The following HSFX3 variants were observed in gnomAD, a reference collection of about 807,000 sequenced individuals.
The protein encoded by HSFX3 is heat shock transcription factor, X-linked member 3.
For synonymous variants in HSFX3, 24 were observed against 67.8 expected (o/e 0.35, Z 3.17); for missense variants, 51 against 175.4 (o/e 0.29, Z 4.01).
rs1294242360 is a variant in HSFX3, at chrX:149,548,311, C to T, written c.*81G>A. 2.2e-5 allele frequency: 20 copies of T among 920,979 alleles called. No homozygotes were observed. Among genetic ancestry groups the T allele is most frequent in the Non-Finnish European group, 2.7e-5 (20 of 742,450 alleles). 75.9% of individuals were successfully genotyped at this position (920,979 alleles called of 1,213,427 possible). A position where few individuals can be genotyped will look rare whatever the true frequency, so the allele number is the denominator to read the frequency against. ...TTAAAAAATGGCAACTTTTATGGGC[C>T]ATTAGTGGCCTGTGACTTCACGAAT... On this transcript the variant is annotated 3_prime_UTR_variant, in exon 2 of 2. Coordinates refer to ENST00000431993, the MANE Select transcript of HSFX3 (RefSeq NM_001323079.3).
rs1453462460 is a variant in HSFX3, at chrX:149,548,444, G to A, written c.950C>T (p.Ala317Val). ...ATTTGGAGACATGACTGAGAGGGAG[G>A]CCAACAGAGCATAGTAACAGATATT... ...LYNICYYALL[A>V]SLSVMSPNEP... Residue 317 changes from alanine to valine, a missense_variant, in exon 2 of 2, where the codon GCC becomes GTC. By Grantham distance (64) the Ala-to-Val change is moderately conservative. Coordinates refer to ENST00000431993, the MANE Select transcript of HSFX3 (RefSeq NM_001323079.3). 5 of 931,716 alleles carry A rather than the reference G, an allele frequency of 5.4e-6. No homozygotes were observed. Among genetic ancestry groups the A allele is most frequent in the East Asian group, 8.3e-5 (2 of 23,953 alleles). The allele number at this position is 931,716 out of a possible 1,213,427, so 76.8% of individuals were successfully genotyped here.
Position 149,549,342 on chromosome X carries a change from G to A in HSFX3, c.483+28C>T. On this transcript the variant is annotated intron_variant, in intron 1 of 1. Transcript: ENST00000431993. ...AGATATGTTTGAGAAAGAGAGAAAA[G>A]GGATTACAGAAATGCTTTCTACTTT... 2.6e-6 allele frequency: 3 copies of A among 1,143,063 alleles called. No individual in the cohort carries two copies. In the East Asian group the frequency reaches 9.9e-5, roughly 38 times the overall value. The allele number at this position is 1,143,063 out of a possible 1,213,427, so 94.2% of individuals were successfully genotyped here.
At position 149,548,660 on chromosome X, in the gene HSFX3, C is replaced by G. The variant is rs2089890299; in HGVS notation, c.734G>C (p.Gly245Ala). 1.3e-6 allele frequency: 1 copy of G among 771,357 alleles called. No individual in the cohort carries two copies. Among genetic ancestry groups the G allele is most frequent in the East Asian group, 4.4e-5 (1 of 22,845 alleles). The allele number at this position is 771,357 out of a possible 1,213,427, so 63.6% of individuals were successfully genotyped here. Reference protein sequence around the residue: ...PSGTQSFRRSGMWSKKSATRH... With the variant: ...PSGTQSFRRSAMWSKKSATRH... ...AGTGGCACTCTTCTTGGACCACATG[C>G]CAGAGCGCCTGAAGGACTGGGTGCC... Residue 245 changes from glycine (G) to alanine (A), a missense_variant, in exon 2 of 2, where the codon GGC becomes GCC. Transcript: ENST00000431993.
rs1476403778 is a variant in HSFX3 at position 149,549,489 on chromosome X, G to A, written c.364C>T (p.Arg122Trp). ...KDLFQREVLQ[R>W]KGAERIFKTD... The stretch of plus-strand genomic sequence containing the variant: ...TTGAAGATCCTCTCTGCACCTTTCC[G>A]TTGAAGAACCTCCCTCTGGAAGAGA... The change falls in exon 1 of 2, where the codon CGG becomes TGG. Residue 122 changes from arginine (R) to tryptophan (W), a missense_variant. Physicochemically the swap from Arg to Trp is moderately radical, Grantham distance 101 (BLOSUM62 -3). Coordinates refer to ENST00000431993, the MANE Select transcript of HSFX3 (RefSeq NM_001323079.3). The A allele has an allele frequency of 1.3e-4, 153 of 1,147,957 alleles. 2 individuals carry two copies. Among genetic ancestry groups the A allele is most frequent in the Middle Eastern group, 2.4e-4 (1 of 4,250 alleles). 94.6% of individuals were successfully genotyped at this position (1,147,957 alleles called of 1,213,427 possible).
rs1236713092 is a variant in HSFX3 at position 149,548,395 on chromosome X, C to T, written c.999G>A (p.Glu333=). ...ACTTGTAATCTGAGGAGCCTTCCTACTCCTCCTCATCGTCAGAGGGCTCAT... is the reference window on the plus strand; with the variant it reads ...ACTTGTAATCTGAGGAGCCTTCCTATTCCTCCTCATCGTCAGAGGGCTCAT... ...SPNEPSDDEE[E] Residue 333 remains glutamate, a synonymous_variant, in exon 2 of 2, where the codon GAG becomes GAA. Transcript: ENST00000431993. 1 of 932,196 alleles carries T rather than the reference C, an allele frequency of 1.1e-6. No homozygotes were observed. Among genetic ancestry groups the T allele is most frequent in the Non-Finnish European group, 1.3e-6 (1 of 752,167 alleles). 76.8% of individuals were successfully genotyped at this position (932,196 alleles called of 1,213,427 possible).
chrX:149,548,403 C>T lies in HSFX3; in HGVS notation c.991G>A (p.Glu331Lys). 1 of 933,945 alleles carries T rather than the reference C, an allele frequency of 1.1e-6. No individual in the cohort carries two copies. The allele number at this position is 933,945 out of a possible 1,213,427, so 77.0% of individuals were successfully genotyped here. The change falls in exon 2 of 2, where the codon GAG (glutamate) becomes AAG (lysine). Residue 331 changes from glutamate (E) to lysine (K), a missense_variant. Coordinates refer to ENST00000431993, the MANE Select transcript of HSFX3 (RefSeq NM_001323079.3). ...TCTGAGGAGCCTTCCTACTCCTCCT[C>T]ATCGTCAGAGGGCTCATTTGGAGAC... The part of the protein sequence containing the change: ...VMSPNEPSDD[E>K]EE
rs782581477 is a variant in HSFX3 at position 149,549,447 on chromosome X, T to C, written c.406A>G (p.Ser136Gly). ...ERIFKTDSLT[S>G]FIRQLNLYGF... ...TAGAGGTTCAGCTGGCGAATGAAACTCGTCAAGCTGTCTGTTTTGAAGATC... is the reference window on the plus strand; with the variant it reads ...TAGAGGTTCAGCTGGCGAATGAAACCCGTCAAGCTGTCTGTTTTGAAGATC... Residue 136 changes from serine to glycine, a missense_variant, in exon 1 of 2, where the codon AGT (serine) becomes GGT (glycine). Transcript: ENST00000431993. The C allele has an allele frequency of 5.0e-5, 58 of 1,162,874 alleles. No individual in the cohort carries two copies. The highest frequency in any genetic ancestry group is 6.4e-5 in the Non-Finnish European group (56 of 871,836).
chrX:149,549,443 A>G lies in HSFX3; in HGVS notation c.410T>C (p.Phe137Ser), dbSNP rs1361171925. 113 of 1,162,752 alleles carry G rather than the reference A, an allele frequency of 9.7e-5. No homozygotes were observed. The highest frequency in any genetic ancestry group is 1.2e-4 in the Non-Finnish European group (104 of 871,794). ...TCCATAGAGGTTCAGCTGGCGAATG[A>G]AACTCGTCAAGCTGTCTGTTTTGAA... is the stretch of plus-strand genomic sequence containing the variant. ...RIFKTDSLTS[F>S]IRQLNLYGFC... The change falls in exon 1 of 2, where the codon TTC becomes TCC. Residue 137 changes from phenylalanine to serine, a missense_variant. Phe to Ser is a radical substitution (Grantham distance 155). Coordinates refer to ENST00000431993, the MANE Select transcript of HSFX3 (RefSeq NM_001323079.3).
chrX:149,549,451 C>G lies in HSFX3; in HGVS notation c.402G>C (p.Leu134Phe). ...GGTTCAGCTGGCGAATGAAACTCGT[C>G]AAGCTGTCTGTTTTGAAGATCCTCT... ...GAERIFKTDSLTSFIRQLNLY... is the reference protein window; with the variant it reads ...GAERIFKTDSFTSFIRQLNLY... Residue 134 changes from leucine (L) to phenylalanine (F), a missense_variant, in exon 1 of 2, where the codon TTG becomes TTC. Transcript: ENST00000431993. The G allele has an allele frequency of 8.6e-7, 1 of 1,165,406 alleles. No homozygotes were observed. Among genetic ancestry groups the G allele is most frequent in the Non-Finnish European group, 1.1e-6 (1 of 872,257 alleles).
chrX:149,549,481 A>G lies in HSFX3; in HGVS notation c.372T>C (p.Gly124=). 8 of 1,155,144 alleles carry G rather than the reference A, an allele frequency of 6.9e-6. No homozygotes were observed. Among genetic ancestry groups the G allele is most frequent in the Non-Finnish European group, 9.2e-6 (8 of 867,887 alleles). ...LFQREVLQRK[G]AERIFKTDSL... Reference sequence around the variant, plus strand: ...TGTCTGTTTTGAAGATCCTCTCTGCACCTTTCCGTTGAAGAACCTCCCTCT... The same window carrying G: ...TGTCTGTTTTGAAGATCCTCTCTGCGCCTTTCCGTTGAAGAACCTCCCTCT... The change falls in exon 1 of 2, where the codon GGT becomes GGC. Residue 124 remains glycine, a synonymous_variant. Transcript: ENST00000431993.
intron 1 of HSFX3, among the ~76,000 whole-genome samples, 177 bp downstream of exon 1, chrX:149,549,193 A>G (rs1397041878): frequency 5.4e-5 from 6 of 111,958 alleles, no homozygotes; most frequent in African/African-American, 2.0e-4. Context: ...GTAGTTTAAT[A>G]TCAAAATCCA....
Position 149,549,416 on chromosome X carries a change from A to C in HSFX3, c.437T>G (p.Phe146Cys), listed in dbSNP as rs781966227. Residue 146 changes from phenylalanine (F) to cysteine (C), a missense_variant, in exon 1 of 2, where the codon TTC becomes TGC. By Grantham distance (205) the Phe-to-Cys change is radical. Transcript: ENST00000431993. ...AGAGTTGCTTGGGCGTGTTTTGCAG[A>C]ATCCATAGAGGTTCAGCTGGCGAAT... Reference protein sequence around the residue: ...SFIRQLNLYGFCKTRPSNSPG... With the variant: ...SFIRQLNLYGCCKTRPSNSPG... 1.2e-3 allele frequency: 1,344 copies of C among 1,162,294 alleles called. 4 individuals carry two copies. The highest frequency in any genetic ancestry group is 1.4e-3 in the Non-Finnish European group (1,255 of 871,650).
chrX:149,549,302 A>C (rs1232883446), intron 1 of HSFX3, 68 bp downstream of exon 1: 5 of 1,106,299 alleles, frequency 4.5e-6, no homozygotes, highest in Non-Finnish European at 4.8e-6. Context: ...TATTATTCAA[A>C]TTGGTGTCCT....
intron 1 of HSFX3, 64 bp downstream of exon 1, chrX:149,549,306 G>T: frequency 9.1e-7 from 1 of 1,098,392 alleles, no homozygotes; most frequent in South Asian, 2.3e-5. Flanking sequence ...ATTCAAATTG[G>T]TGTCCTATGA....
chrX:149,549,087 A>G (rs2089893376), intron 1 of HSFX3, among the ~76,000 whole-genome samples, 177 bp from the exon 2 acceptor site: 2 of 111,523 alleles, frequency 1.8e-5, no homozygotes, highest in Admixed American at 9.4e-5. Context: ...AGGCAGTAAT[A>G]TATAAACAGC....
chrX:149,549,285 T>C, intron 1 of HSFX3, 85 bp downstream of exon 1: 1 of 1,103,589 alleles, frequency 9.1e-7, no homozygotes, highest in Non-Finnish European at 1.2e-6. Flanking sequence ...CTTAAGCTCT[T>C]ACAGTATATT....
Sources: allele counts gnomAD v4.1 joint callset (sites outside exome capture counted in the v4.1 genomes callset), GRCh38; gene constraint gnomAD v4.1.1; transcripts MANE v1.5; gene names NCBI Gene and HGNC (gene_info 2026-07-23, HGNC 2026-07-21).